SYNJ2BP: variants seen among roughly 807,000 people sequenced by gnomAD.
The protein encoded by SYNJ2BP is synaptojanin-2-binding protein.
In SYNJ2BP, 10 loss-of-function variants were observed where a neutral mutation model predicts 16.9. That is an observed-to-expected ratio of 0.59 (90% CI 0.36 to 1.00). The LOEUF is 1.00. SYNJ2BP is among the 50% of genes least tolerant of loss of function. The probability of loss-of-function intolerance (pLI) is 0.01; values close to 1 mark genes in which losing one functional copy is unlikely to be tolerated. For missense variants in SYNJ2BP, 162 were observed against 186.7 expected (o/e 0.87, Z 0.77); for synonymous variants, 54 against 68.4 (o/e 0.79, Z 1.04).
chr14:70,401,431 G>T (rs1888233051), intron 1 of SYNJ2BP, among the ~76,000 whole-genome samples: 1 of 149,350 alleles, frequency 6.7e-6, no homozygotes, highest in African/African-American at 2.5e-5. Flanking sequence ...TTTAATAAAA[G>T]AAAAAAAGCT....
At chr14:70,405,894 A>T (rs1319046003) in intron 1 of SYNJ2BP, among the ~76,000 whole-genome samples, 1 of 152,228 alleles carries the variant, frequency 6.6e-6, no homozygotes, top group Non-Finnish European at 1.5e-5. Flanking sequence ...TGGGAAACCA[A>T]GTCTCCTTTC....
chr14:70,373,069 T>C lies in SYNJ2BP; in HGVS notation c.360A>G (p.Ile120Met). Reference sequence around the variant, plus strand: ...CAAACACTGGCACCAGCACCATAAATATGGGAATACCACTTGGGTCCCCTT... The same window carrying C: ...CAAACACTGGCACCAGCACCATAAACATGGGAATACCACTTGGGTCCCCTT... Reference protein sequence around the residue: ...RGEGDPSGIPIFMVLVPVFAL... With the variant: ...RGEGDPSGIPMFMVLVPVFAL... The change falls in exon 4 of 4, where the codon ATA becomes ATG. Residue 120 changes from isoleucine to methionine, a missense_variant. Ile to Met is a conservative substitution (Grantham distance 10). Coordinates refer to ENST00000256366, the MANE Select transcript of SYNJ2BP (RefSeq NM_018373.3). 1 of 1,614,166 alleles carries C rather than the reference T, an allele frequency of 6.2e-7. No homozygotes were observed. The highest frequency in any genetic ancestry group is 1.3e-5 in the African/African-American group (1 of 75,032).
At position 70,400,233 on chromosome 14, in the gene SYNJ2BP, C is replaced by T. The variant is rs552273437; in HGVS notation, c.65-11627G>A. ...TGTGAATGCCAAAATATCCTAAGGTCGTTTCATTCAAAAACACAAATGACT... is the reference window on the plus strand; with the variant it reads ...TGTGAATGCCAAAATATCCTAAGGTTGTTTCATTCAAAAACACAAATGACT... On this transcript the variant is annotated intron_variant, in intron 1 of 3. Transcript: ENST00000256366. 5.3e-5 allele frequency among the ~76,000 whole-genome samples: 8 copies of T among 152,266 alleles called. No homozygotes were observed. The South Asian group carries it at 1.7e-3, about 32-fold the overall frequency.
intron 1 of SYNJ2BP, among the ~76,000 whole-genome samples, chr14:70,396,618 ATATT>A (rs1888104752): frequency 6.6e-6 from 1 of 151,220 alleles, no homozygotes; most frequent in African/African-American, 2.4e-5. Context: ...ATATATATGT[ATATT>A]TATATATATA....
intron 1 of SYNJ2BP, among the ~76,000 whole-genome samples, chr14:70,415,519 C>G (rs1443848461): frequency 6.8e-6 from 1 of 146,868 alleles, no homozygotes; most frequent in Non-Finnish European, 1.5e-5. Context: ...CCACTGCACT[C>G]TAGCCTGGGC....
chr14:70,404,554 G>T (rs1386128208), intron 1 of SYNJ2BP, among the ~76,000 whole-genome samples: 3 of 152,080 alleles, frequency 2.0e-5, no homozygotes, highest in African/African-American at 7.2e-5. Flanking sequence ...AGATTGAGAA[G>T]GTTATCTTTC....
intron 1 of SYNJ2BP, among the ~76,000 whole-genome samples, chr14:70,415,232 C>A (rs1373256049): frequency 4.0e-5 from 6 of 148,710 alleles, no homozygotes; most frequent in Admixed American, 2.7e-4. Context: ...ATAAGTAAAA[C>A]CAACTTCCAA....
chr14:70,415,817 T>C (rs1249121245), intron 1 of SYNJ2BP, among the ~76,000 whole-genome samples: 3 of 152,206 alleles, frequency 2.0e-5, no homozygotes, highest in Admixed American at 6.5e-5. Context: ...TAGGATTTAC[T>C]GTGTCAGTTT....
intron 1 of SYNJ2BP, among the ~76,000 whole-genome samples, chr14:70,412,510 AG>A (rs1427087920): frequency 1.8e-5 from 2 of 110,548 alleles, no homozygotes; most frequent in Admixed American, 1.1e-4. Context: ...GTATATATAC[AG>A]TATATATACA....
chr14:70,377,554 C>G (rs1305827691), intron 2 of SYNJ2BP, among the ~76,000 whole-genome samples: 2 of 152,210 alleles, frequency 1.3e-5, no homozygotes, highest in African/African-American at 4.8e-5. Context: ...TGTGAGAACA[C>G]TGAGGACTTC....
chr14:70,384,356 T>C (rs1887814484), intron 2 of SYNJ2BP, among the ~76,000 whole-genome samples: 1 of 152,136 alleles, frequency 6.6e-6, no homozygotes, highest in South Asian at 2.1e-4. Context: ...AAAAACTAAA[T>C]GAGAATTTAG....
intron 2 of SYNJ2BP, among the ~76,000 whole-genome samples, chr14:70,380,224 T>A (rs1310537773): frequency 5.3e-5 from 8 of 152,228 alleles, no homozygotes; most frequent in Non-Finnish European, 1.0e-4. Context: ...AAGCCTTCAC[T>A]TTAAAACACT....
At chr14:70,373,217 T>C in intron 3 of SYNJ2BP, 86 bp from the exon 4 acceptor site, 3 of 1,552,758 alleles carry the variant, frequency 1.9e-6, no homozygotes, top group East Asian at 2.3e-5. Flanking sequence ...CCTGGGTTTG[T>C]AGACTCTAGA....
rs1887545567 is a variant in SYNJ2BP at position 70,372,882 on chromosome 14, T to C, written c.*109A>G. 1 of 1,504,236 alleles carries C rather than the reference T, an allele frequency of 6.6e-7. No homozygotes were observed. The highest frequency in any genetic ancestry group is 1.4e-5 in the African/African-American group (1 of 72,564). The allele number at this position is 1,504,236 out of a possible 1,614,324, so 93.2% of individuals were successfully genotyped here. Reference sequence around the variant, plus strand: ...CAGCAAGGTTTGGGGTGGGTATCAGTCACTTCAAATCTGGCTATGCAGAGA... The same window carrying C: ...CAGCAAGGTTTGGGGTGGGTATCAGCCACTTCAAATCTGGCTATGCAGAGA... On this transcript the variant is annotated 3_prime_UTR_variant, in exon 4 of 4. Transcript: ENST00000256366.
intron 1 of SYNJ2BP, among the ~76,000 whole-genome samples, chr14:70,414,062 A>AT (rs1395678278): frequency 6.6e-6 from 1 of 152,204 alleles, no homozygotes; most frequent in Non-Finnish European, 1.5e-5. Context: ...TGGTATTTTG[A>AT]GACAGTCTCC....
chr14:70,392,802 G>A (rs10139500), intron 1 of SYNJ2BP, among the ~76,000 whole-genome samples: 36,411 of 152,058 alleles, frequency 0.24, 6,133 homozygotes, highest in East Asian at 0.62. Context: ...TCCAGCATAT[G>A]GACCAACCAA....
At chr14:70,412,612 A>G (rs1381643954) in intron 1 of SYNJ2BP, among the ~76,000 whole-genome samples, 1 of 148,028 alleles carries the variant, frequency 6.8e-6, no homozygotes, top group Non-Finnish European at 1.5e-5. Context: ...TATATACAGT[A>G]TATATATGTA....
At position 70,372,302 on chromosome 14, in the gene SYNJ2BP, C is replaced by T. The variant is rs978716517; in HGVS notation, c.*689G>A. ...TATTATTTTAATAAATGAGACTGAA[C>T]GTCCTCTTATAAGGCTCACTCCCTT... On this transcript the variant is annotated 3_prime_UTR_variant, in exon 4 of 4. Transcript: ENST00000256366. 6 of 152,494 alleles carry T rather than the reference C, an allele frequency of 3.9e-5. No individual in the cohort carries two copies. The highest frequency in any genetic ancestry group is 7.4e-5 in the Non-Finnish European group (5 of 68,016). The allele number at this position is 152,494 out of a possible 1,614,324, so 9.4% of individuals were successfully genotyped here.
intron 2 of SYNJ2BP, among the ~76,000 whole-genome samples, chr14:70,383,994 A>G (rs938003490): frequency 6.7e-6 from 1 of 149,968 alleles, no homozygotes; most frequent in African/African-American, 2.4e-5. Context: ...GTCTTGCTCC[A>G]TTGCCCAGGC....
Sources: gnomAD v4.1 joint callset for allele counts (sites outside exome capture counted in the v4.1 genomes callset) on GRCh38, gnomAD v4.1.1 for gene constraint, MANE v1.5 for transcripts, NCBI Gene and HGNC (gene_info 2026-07-23, HGNC 2026-07-21) for gene names.